Variants in CCDC191 observed in about 807,000 individuals in gnomAD.
The protein encoded by CCDC191 is coiled-coil domain-containing protein 191.
In CCDC191, 99 loss-of-function variants were observed where a neutral mutation model predicts 114.0. That is an observed-to-expected ratio of 0.87 (90% CI 0.74 to 1.03). CCDC191 has a LOEUF of 1.03. Ranked by LOEUF, CCDC191 falls within the 50% of genes least tolerant of loss-of-function variation. CCDC191 has a pLI of 0.00. For synonymous variants in CCDC191, 351 were observed against 376.0 expected (o/e 0.93, Z 0.77); for missense variants, 973 against 1,087.0 (o/e 0.90, Z 1.47).
chr3:114,002,194 G>T (rs1287818091), intron 12 of CCDC191, among the ~76,000 whole-genome samples: 3 of 152,076 alleles, frequency 2.0e-5, no homozygotes, highest in African/African-American at 7.2e-5. Context: ...ACTAATCTTG[G>T]TTATGTGTAA....
chr3:114,035,559 T>A (rs2076471865), intron 5 of CCDC191, among the ~76,000 whole-genome samples: 1 of 152,234 alleles, frequency 6.6e-6, no homozygotes, highest in African/African-American at 2.4e-5. Flanking sequence ...ACACTGTGAA[T>A]GATAGAACAG....
chr3:114,056,537 CA>C (rs1159752804), upstream of CCDC191: 62 of 1,610,594 alleles, frequency 3.8e-5, no homozygotes, highest in Non-Finnish European at 4.7e-5. Context: ...GCCTCCGGGT[CA>C]CGCTGGGAAT....
At chr3:113,978,813 T>C (rs1278450081) in intron 15 of CCDC191, 45 bp downstream of exon 15, 1 of 1,576,586 alleles carries the variant, frequency 6.3e-7, no homozygotes, top group South Asian at 1.1e-5. Context: ...TTAAATAGAA[T>C]TGAGCAATGA....
At chr3:113,965,746 T>TGG (rs896818751) in intron 16 of CCDC191, among the ~76,000 whole-genome samples, 3 of 152,086 alleles carry the variant, frequency 2.0e-5, no homozygotes, top group African/African-American at 4.8e-5. Flanking sequence ...CCTGCCACCA[T>TGG]GCCTGGCTAA....
intron 14 of CCDC191, 40 bp from the exon 15 acceptor site, chr3:113,979,050 T>G: frequency 6.4e-7 from 1 of 1,562,920 alleles, no homozygotes. Flanking sequence ...TTCCTTAAAT[T>G]TTAAATCATT....
intron 13 of CCDC191, chr3:113,984,669 C>T (rs2075289790): frequency 6.6e-6 from 1 of 152,128 alleles, no homozygotes; most frequent in Non-Finnish European, 1.5e-5. Flanking sequence ...TATAAATGCA[C>T]CTATCTCAAT....
intron 9 of CCDC191, 175 bp from the exon 10 acceptor site, chr3:114,006,137 AT>A (rs1375093176): frequency 4.1e-5 from 28 of 689,678 alleles, no homozygotes; most frequent in Non-Finnish European, 6.9e-5. Context: ...TAAAACATGC[AT>A]TGCTGCTCAC....
chr3:113,978,764 C>T (rs1326860150), intron 15 of CCDC191, 94 bp downstream of exon 15: 3 of 1,357,066 alleles, frequency 2.2e-6, no homozygotes, highest in Non-Finnish European at 3.1e-6. Context: ...CTTGAAAAAA[C>T]ATAATGACCC....
chr3:114,010,931 C>T lies in CCDC191; in HGVS notation c.1254G>A (p.Leu418=), dbSNP rs766898238. The T allele has an allele frequency of 2.5e-6, 4 of 1,614,012 alleles. No individual in the cohort carries two copies. Among genetic ancestry groups the T allele is most frequent in the Non-Finnish European group, 3.4e-6 (4 of 1,179,908 alleles). Residue 418 remains leucine, a synonymous_variant, in exon 9 of 17, where the codon CTG becomes CTA. Transcript: ENST00000295878. ...CTTTTGTGAGAGCCAGCTCTCTCTTCAGGAGCTCGGCGCCATGCCAATGCT... is the reference window on the plus strand; with the variant it reads ...CTTTTGTGAGAGCCAGCTCTCTCTTTAGGAGCTCGGCGCCATGCCAATGCT... The part of the protein sequence containing the change: ...EWQHWHGAEL[L]KRELALTKEE...
chr3:114,002,717 G>C, intron 11 of CCDC191, 179 bp from the exon 12 acceptor site: 1 of 915,220 alleles, frequency 1.1e-6, no homozygotes, highest in Non-Finnish European at 1.3e-6. Flanking sequence ...ATACTCTACA[G>C]GTTAAAGACC....
At chr3:114,010,521 A>G (rs1317277496) in intron 9 of CCDC191, among the ~76,000 whole-genome samples, 1 of 152,194 alleles carries the variant, frequency 6.6e-6, no homozygotes, top group Non-Finnish European at 1.5e-5. Flanking sequence ...CTAAACGAAT[A>G]TTTTACTTAG....
At chr3:114,043,958 G>C (rs575130528) in intron 3 of CCDC191, among the ~76,000 whole-genome samples, 1 of 152,032 alleles carries the variant, frequency 6.6e-6, no homozygotes, top group African/African-American at 2.4e-5. Context: ...AGACGGGGAA[G>C]GCCAAGGATA....
At chr3:114,053,698 A>G in intron 1 of CCDC191, 63 bp from the exon 2 acceptor site, 1 of 1,134,064 alleles carries the variant, frequency 8.8e-7, no homozygotes, top group South Asian at 1.4e-5. Context: ...TGCCATTTAA[A>G]TCTATCCTTC....
At chr3:114,053,116 T>TA (rs1438123740) in intron 2 of CCDC191, among the ~76,000 whole-genome samples, 18 of 152,196 alleles carry the variant, frequency 1.2e-4, no homozygotes, top group Non-Finnish European at 2.4e-4. Flanking sequence ...AGTGACCAGT[T>TA]AGAGTCCATT....
At chr3:114,038,557 G>A (rs776265936) in intron 4 of CCDC191, among the ~76,000 whole-genome samples, 5 of 152,164 alleles carry the variant, frequency 3.3e-5, no homozygotes, top group Admixed American at 1.3e-4. Flanking sequence ...TTGCTATTGT[G>A]AAGAGTGTGT....
At chr3:113,965,584 A>G (rs942721010) in intron 16 of CCDC191, among the ~76,000 whole-genome samples, 3 of 151,900 alleles carry the variant, frequency 2.0e-5, no homozygotes, top group Non-Finnish European at 4.4e-5. Flanking sequence ...TTTTATTTTT[A>G]TTTTATTTTA....
At chr3:114,010,203 A>C (rs1308076197) in intron 9 of CCDC191, among the ~76,000 whole-genome samples, 1 of 152,138 alleles carries the variant, frequency 6.6e-6, no homozygotes, top group Non-Finnish European at 1.5e-5. Flanking sequence ...CGAGTTCCTC[A>C]ATGGCCTGAC....
rs373765175 is a variant in CCDC191 at position 113,966,788 on chromosome 3, G to A, written c.2607-1429C>T. On this transcript the variant is annotated intron_variant, in intron 16 of 16. Coordinates refer to ENST00000295878, the MANE Select transcript of CCDC191 (RefSeq NM_020817.2). ...ATTTTTGATAATGCTGATTTTTGTT[G>A]GTGGAGGTACTGCTTTAAAAAAAGG... Among the ~76,000 whole-genome samples the A allele has an allele frequency of 4.3e-4, 66 of 151,932 alleles. 1 individual carries two copies. The South Asian group carries it at 0.013, about 29-fold the overall frequency.
chr3:114,024,587 A>G (rs1369117157), intron 7 of CCDC191, among the ~76,000 whole-genome samples: 2 of 152,196 alleles, frequency 1.3e-5, no homozygotes, highest in Non-Finnish European at 2.9e-5. Flanking sequence ...ATTCTCAGCA[A>G]ACTATCGCAA....
Sources: gnomAD v4.1 joint callset for allele counts (sites outside exome capture counted in the v4.1 genomes callset) on GRCh38, gnomAD v4.1.1 for gene constraint, MANE v1.5 for transcripts, NCBI Gene and HGNC (gene_info 2026-07-23, HGNC 2026-07-21) for gene names.